SETBP1: variants seen among roughly 807,000 people sequenced by gnomAD.
The protein encoded by SETBP1 is SET binding protein 1, also known as SET-binding protein.
A neutral mutation model predicts 101.0 loss-of-function variants in SETBP1; 9 were observed. The ratio of observed to expected loss-of-function variants is 0.09; its 90% CI spans 0.05 to 0.16. SETBP1 has a LOEUF of 0.16. Ranked by LOEUF, SETBP1 falls within the 10% of genes least tolerant of loss-of-function variation. SETBP1 has a pLI of 1.00. For missense variants in SETBP1, 1,858 were observed against 2,033.8 expected, an observed-to-expected ratio of 0.91 and a Z score of 1.66; for synonymous variants, 818 against 788.5, an observed-to-expected ratio of 1.04 and a Z score of -0.63.
chr18:45,045,525 T>C (rs1332874483), intron 5 of SETBP1, among the ~76,000 whole-genome samples: 1 of 151,186 alleles, frequency 6.6e-6, no homozygotes, highest in Admixed American at 6.6e-5. Flanking sequence ...TAATAATCCT[T>C]GGGGAGGCCC....
chr18:44,684,932 C>T (rs2068812616), intron 1 of SETBP1, among the ~76,000 whole-genome samples: 1 of 152,162 alleles, frequency 6.6e-6, no homozygotes, highest in African/African-American at 2.4e-5. Context: ...CAGGTGTGGG[C>T]CACCGCGCCC....
chr18:44,775,042 A>C (rs1296483449), intron 2 of SETBP1, among the ~76,000 whole-genome samples: 1 of 152,078 alleles, frequency 6.6e-6, no homozygotes, highest in Non-Finnish European at 1.5e-5. Context: ...GCTGATGAAA[A>C]CTATGAAAAT....
intron 2 of SETBP1, among the ~76,000 whole-genome samples, chr18:44,798,639 C>G (rs980256910): frequency 6.6e-6 from 1 of 152,120 alleles, no homozygotes; most frequent in Admixed American, 6.5e-5. Flanking sequence ...CAGGGGCTTT[C>G]CACAATGGTA....
At chr18:45,019,533 C>T (rs751882026) in intron 4 of SETBP1, among the ~76,000 whole-genome samples, 11 of 152,166 alleles carry the variant, frequency 7.2e-5, no homozygotes, top group Non-Finnish European at 1.5e-4. Context: ...ATTTCATTTG[C>T]TCTCTGAATC....
At chr18:44,744,416 C>G (rs549132963) in intron 2 of SETBP1, among the ~76,000 whole-genome samples, 1 of 152,360 alleles carries the variant, frequency 6.6e-6, no homozygotes, top group South Asian at 2.1e-4. Flanking sequence ...ACAGGGGCTC[C>G]CTGGCCTGGC....
rs1243556702 is a variant in SETBP1, at chr18:45,063,222, C to A, written c.4315C>A (p.Leu1439Met). 21 of 1,614,034 alleles carry A rather than the reference C, an allele frequency of 1.3e-5. No individual in the cohort carries two copies. Among genetic ancestry groups the A allele is most frequent in the Non-Finnish European group, 1.8e-5 (21 of 1,179,978 alleles). The change falls in exon 6 of 6, where the codon CTG becomes ATG. Residue 1439 changes from leucine to methionine, a missense_variant. Physicochemically the swap from Leu to Met is conservative, Grantham distance 15. Around this residue, in one of 12 missense-constraint regions of SETBP1, gnomAD observed 26 missense variants for 56.3 expected, o/e 0.46. Coordinates refer to ENST00000649279, the MANE Select transcript of SETBP1 (RefSeq NM_015559.3). Reference protein sequence around the residue: ...HVNKILKAKRLQRQSKTGNNF... With the variant: ...HVNKILKAKRMQRQSKTGNNF... ...GAACAAGATCCTGAAGGCCAAGCGG[C>A]TGCAGAGACAATCAAAAACAGGCAA...
intron 4 of SETBP1, among the ~76,000 whole-genome samples, chr18:44,997,347 C>A (rs925095066): frequency 6.6e-6 from 1 of 152,134 alleles, no homozygotes; most frequent in Admixed American, 6.5e-5. Flanking sequence ...TTGGAAGAAA[C>A]CCAGGCCTTA....
intron 3 of SETBP1, among the ~76,000 whole-genome samples, chr18:44,944,275 G>A (rs772311463): frequency 4.6e-5 from 7 of 152,076 alleles, no homozygotes; most frequent in East Asian, 1.9e-4. Context: ...AGGAATGCTC[G>A]GTGTTGCTAA....
At chr18:44,838,323 C>T (rs1008286789) in intron 2 of SETBP1, among the ~76,000 whole-genome samples, 12 of 152,128 alleles carry the variant, frequency 7.9e-5, no homozygotes, top group Admixed American at 2.0e-4. Flanking sequence ...TCACACCCTG[C>T]GCAGTGTCTT....
intron 2 of SETBP1, among the ~76,000 whole-genome samples, chr18:44,834,525 C>T (rs1167456292): frequency 1.3e-5 from 2 of 152,072 alleles, no homozygotes; most frequent in Admixed American, 6.6e-5. Context: ...TGGCTAATCC[C>T]AGAGATGATT....
chr18:44,851,172 C>T (rs1024461910), intron 2 of SETBP1, among the ~76,000 whole-genome samples: 1 of 152,044 alleles, frequency 6.6e-6, no homozygotes, highest in African/African-American at 2.4e-5. Flanking sequence ...CCCTTCAACC[C>T]AAGAGCCATC....
intron 5 of SETBP1, among the ~76,000 whole-genome samples, chr18:45,053,403 C>T (rs1277845129): frequency 2.6e-5 from 4 of 152,094 alleles, no homozygotes; most frequent in African/African-American, 9.7e-5. Flanking sequence ...GCACAGAAAA[C>T]CTGGAGGTAT....
intron 3 of SETBP1, among the ~76,000 whole-genome samples, chr18:44,878,482 C>T (rs996894215): frequency 1.3e-5 from 2 of 152,280 alleles, no homozygotes; most frequent in East Asian, 1.9e-4. Context: ...GATTTAGTTA[C>T]AGCATCATAT....
At chr18:44,853,714 C>T (rs71356461) in intron 2 of SETBP1, among the ~76,000 whole-genome samples, 2 of 152,210 alleles carry the variant, frequency 1.3e-5, no homozygotes, top group South Asian at 2.1e-4. Context: ...GGTCACAGTG[C>T]TAGGTCATGA....
chr18:44,823,919 T>G (rs780285097), intron 2 of SETBP1, among the ~76,000 whole-genome samples: 25 of 152,206 alleles, frequency 1.6e-4, no homozygotes, highest in Admixed American at 4.6e-4. Context: ...GAGAAAACAA[T>G]AGTTGGTGAA....
intron 3 of SETBP1, among the ~76,000 whole-genome samples, chr18:44,897,380 C>T (rs960276709): frequency 4.6e-5 from 7 of 151,952 alleles, no homozygotes; most frequent in Non-Finnish European, 5.9e-5. Context: ...TATGGTGCTT[C>T]TATTGATCCA....
chr18:44,768,593 G>T (rs1166261263), intron 2 of SETBP1, among the ~76,000 whole-genome samples: 1 of 152,176 alleles, frequency 6.6e-6, no homozygotes, highest in East Asian at 1.9e-4. Flanking sequence ...TATTCACCAA[G>T]ATTTTTGGTG....
At chr18:44,729,827 G>C (rs972780185) in intron 2 of SETBP1, among the ~76,000 whole-genome samples, 4 of 152,224 alleles carry the variant, frequency 2.6e-5, no homozygotes, top group Non-Finnish European at 4.4e-5. Flanking sequence ...AGAGTGGTCT[G>C]GCTAGAGCAG....
At chr18:44,720,102 T>C (rs1050106821) in intron 2 of SETBP1, among the ~76,000 whole-genome samples, 8 of 152,208 alleles carry the variant, frequency 5.3e-5, no homozygotes, top group Non-Finnish European at 1.2e-4. Flanking sequence ...TGAGCATGTA[T>C]AGCCTCTGGG....
Sources: gnomAD v4.1 joint callset for allele counts (sites outside exome capture counted in the v4.1 genomes callset) on GRCh38, gnomAD v4.1.1 for gene constraint, gnomAD v4.1.1 regional missense constraint, MANE v1.5 for transcripts, NCBI Gene and HGNC (gene_info 2026-07-23, HGNC 2026-07-21) for gene names.